Variants in SLC7A1 observed in about 807,000 individuals in gnomAD.
SLC7A1 encodes the protein solute carrier family 7 member 1.
Under a neutral mutation model 53.9 loss-of-function variants are expected in SLC7A1, and 10 were observed. The ratio of observed to expected loss-of-function variants is 0.19; its 90% CI spans 0.11 to 0.31. The LOEUF is 0.31. Among genes scored for constraint, SLC7A1 ranks in the 10% least tolerant of loss-of-function variants. The pLI, the probability that SLC7A1 is intolerant of heterozygous loss-of-function variation, is 1.00. For synonymous variants in SLC7A1, 342 were observed against 338.7 expected (o/e 1.01, Z -0.11); for missense variants, 525 against 827.2 (o/e 0.63, Z 4.48).
rs116681461 is a variant in SLC7A1 at position 29,515,272 on chromosome 13, C to A, written c.1787-689G>T. On this transcript the variant is annotated intron_variant, in intron 12 of 12. Transcript: ENST00000380752. ...CTTTGACAGGGATGCTGGGAAGAGG[C>A]GCCCCTCTGCCTTCACCAGGCCTGG... Among the ~76,000 whole-genome samples the A allele has an allele frequency of 1.6e-4, 24 of 152,336 alleles. No individual in the cohort carries two copies. The East Asian group carries it at 2.9e-3, about 18-fold the overall frequency.
At chr13:29,541,254 G>A (rs922236213) in intron 2 of SLC7A1, among the ~76,000 whole-genome samples, 11 of 152,134 alleles carry the variant, frequency 7.2e-5, no homozygotes, top group African/African-American at 1.2e-4. Context: ...GGATGGAGAC[G>A]GAAGGAGGTA....
chr13:29,562,328 T>C (rs1290128930), intron 1 of SLC7A1, among the ~76,000 whole-genome samples: 2 of 152,250 alleles, frequency 1.3e-5, no homozygotes, highest in Non-Finnish European at 1.5e-5. Flanking sequence ...GTATTTACTA[T>C]GTACAACATC....
intron 1 of SLC7A1, chr13:29,586,772 A>C (rs1319069626): frequency 1.3e-5 from 2 of 152,262 alleles, no homozygotes; most frequent in African/African-American, 4.8e-5. Context: ...GAATATTCAC[A>C]TCCACACCAC....
chr13:29,562,410 T>C (rs540913363), intron 1 of SLC7A1, among the ~76,000 whole-genome samples: 28 of 152,366 alleles, frequency 1.8e-4, no homozygotes, highest in Admixed American at 1.8e-3. Flanking sequence ...CTTCAAAATC[T>C]GAAACTTTGA....
At chr13:29,530,768 G>C (rs1354319202) in intron 4 of SLC7A1, 56 bp from the exon 5 acceptor site, 2 of 1,474,168 alleles carry the variant, frequency 1.4e-6, no homozygotes, top group African/African-American at 2.8e-5. Flanking sequence ...AAACTGGGAA[G>C]GTCCTTCCTG....
intron 2 of SLC7A1, among the ~76,000 whole-genome samples, chr13:29,537,929 C>T (rs1347810838): frequency 1.3e-5 from 2 of 152,176 alleles, no homozygotes; most frequent in Admixed American, 6.5e-5. Context: ...CCTTTGCACC[C>T]TCAGCTGCCG....
intron 2 of SLC7A1, among the ~76,000 whole-genome samples, chr13:29,540,706 T>C (rs1869626727): frequency 6.6e-6 from 1 of 152,190 alleles, no homozygotes; most frequent in African/African-American, 2.4e-5. Context: ...GCCAATGCTT[T>C]TAGCTTCCCC....
intron 2 of SLC7A1, 59 bp downstream of exon 2, chr13:29,553,702 A>AT (rs1370274135): frequency 6.6e-6 from 1 of 152,228 alleles, no homozygotes; most frequent in Non-Finnish European, 1.5e-5. Flanking sequence ...TGAATAACAT[A>AT]TTCTAGTACA....
chr13:29,575,819 C>A (rs1158731601), intron 1 of SLC7A1, among the ~76,000 whole-genome samples: 3 of 152,274 alleles, frequency 2.0e-5, no homozygotes, highest in African/African-American at 7.2e-5. Flanking sequence ...ACATGAGTGC[C>A]CACTGTGGTC....
intron 2 of SLC7A1, among the ~76,000 whole-genome samples, chr13:29,538,032 C>T (rs1173319231): frequency 1.3e-5 from 2 of 152,200 alleles, no homozygotes; most frequent in Non-Finnish European, 2.9e-5. Context: ...CGTGCAGCAA[C>T]TGGGGATGGT....
At chr13:29,544,973 A>G (rs1053678432) in intron 2 of SLC7A1, among the ~76,000 whole-genome samples, 10 of 151,576 alleles carry the variant, frequency 6.6e-5, no homozygotes, top group African/African-American at 2.4e-4. Flanking sequence ...CCTGGCACCT[A>G]GCAGGCACCA....
rs140890986 is a variant in SLC7A1 at position 29,586,178 on chromosome 13, T to G, written c.-115+9238A>C. Reference sequence around the variant, plus strand: ...GTATAATTTGTACCAAAGTGCAAAATGGGGTATGTATGTGTGCCAAAGAAC... The same window carrying G: ...GTATAATTTGTACCAAAGTGCAAAAGGGGGTATGTATGTGTGCCAAAGAAC... On this transcript the variant is annotated intron_variant, in intron 1 of 12. Transcript: ENST00000380752. Among the ~76,000 whole-genome samples the G allele has an allele frequency of 9.2e-4, 140 of 152,304 alleles. 3 individuals are homozygous for G. Among genetic ancestry groups the G allele is most frequent in the African/African-American group, 3.2e-3 (134 of 41,562 alleles).
chr13:29,542,421 C>T (rs1593555181), intron 2 of SLC7A1, among the ~76,000 whole-genome samples: 1 of 152,112 alleles, frequency 6.6e-6, no homozygotes, highest in Admixed American at 6.5e-5. Context: ...CGCCATTGCA[C>T]TCCAGCCTGG....
intron 5 of SLC7A1, among the ~76,000 whole-genome samples, chr13:29,525,151 A>G (rs1011659164): frequency 1.3e-5 from 2 of 152,238 alleles, no homozygotes; most frequent in Non-Finnish European, 2.9e-5. Flanking sequence ...CAGGAGGCAC[A>G]TAGCCCCTGC....
At chr13:29,564,843 C>G (rs1237434062) in intron 1 of SLC7A1, among the ~76,000 whole-genome samples, 1 of 152,210 alleles carries the variant, frequency 6.6e-6, no homozygotes, top group Non-Finnish European at 1.5e-5. Context: ...ATATTAAGCA[C>G]TTTTCAAAAG....
intron 1 of SLC7A1, among the ~76,000 whole-genome samples, chr13:29,591,015 T>A (rs1339488693): frequency 6.6e-6 from 1 of 151,800 alleles, no homozygotes; most frequent in Non-Finnish European, 1.5e-5. Context: ...GAGGCTGAGG[T>A]GGGAGGATCG....
chr13:29,527,641 C>T (rs777323156), intron 5 of SLC7A1, among the ~76,000 whole-genome samples: 5 of 152,170 alleles, frequency 3.3e-5, no homozygotes, highest in East Asian at 3.8e-4. Context: ...CTCAGCTCAG[C>T]GCTCCCTGCC....
intron 2 of SLC7A1, among the ~76,000 whole-genome samples, chr13:29,544,282 G>A (rs1039532026): frequency 6.6e-6 from 1 of 152,154 alleles, no homozygotes; most frequent in Non-Finnish European, 1.5e-5. Flanking sequence ...ACGTATGTGG[G>A]TGTAAAATCC....
At chr13:29,538,732 T>C (rs886926682) in intron 2 of SLC7A1, among the ~76,000 whole-genome samples, 4 of 152,202 alleles carry the variant, frequency 2.6e-5, no homozygotes, top group Admixed American at 6.5e-5. Context: ...ATTGCGTGGA[T>C]AGTAAGTTGG....
Sources: allele counts gnomAD v4.1 joint callset (sites outside exome capture counted in the v4.1 genomes callset), GRCh38; gene constraint gnomAD v4.1.1; transcripts MANE v1.5; gene names NCBI Gene and HGNC (gene_info 2026-07-23, HGNC 2026-07-21).